OSBPL11: variants seen among roughly 807,000 people sequenced by gnomAD.
The protein encoded by OSBPL11 is oxysterol binding protein like 11.
In OSBPL11, 33 loss-of-function variants were observed where a neutral mutation model predicts 84.4. That is an observed-to-expected ratio of 0.39 (90% confidence interval 0.30 to 0.52). The LOEUF is 0.52. Among genes scored for constraint, OSBPL11 ranks in the 20% least tolerant of loss-of-function variants. OSBPL11 has a pLI of 0.72. For synonymous variants in OSBPL11, 276 were observed against 310.2 expected (o/e 0.89, Z 1.16); for missense variants, 736 against 901.1 (o/e 0.82, Z 2.35).
intron 5 of OSBPL11, among the ~76,000 whole-genome samples, chr3:125,573,072 A>T: frequency 6.6e-6 from 1 of 151,108 alleles, no homozygotes; most frequent in East Asian, 1.9e-4. Context: ...GTATATAATT[A>T]TAGCATAAAT....
In OSBPL11 at chr3:125,538,550, G is replaced by A. The variant is rs747848502; in HGVS notation, c.1925C>T (p.Thr642Ile). ...QGEWNSVLEF[T>I]YSNGETKYVD... ...ATACTTTGTCTCTCCATTGCTATAT[G>A]TGAACTCAAGAACACTATTCCATTC... The change falls in exon 11 of 13, where the codon ACA becomes ATA. Residue 642 changes from threonine to isoleucine, a missense_variant. Coordinates refer to ENST00000296220, the MANE Select transcript of OSBPL11 (RefSeq NM_022776.5). 6.2e-7 allele frequency: 1 copy of A among 1,614,014 alleles called. No individual in the cohort carries two copies. Among genetic ancestry groups the A allele is most frequent in the Non-Finnish European group, 8.5e-7 (1 of 1,180,008 alleles).
intron 5 of OSBPL11, among the ~76,000 whole-genome samples, chr3:125,572,574 A>G (rs1252777933): frequency 6.6e-6 from 1 of 152,054 alleles, no homozygotes; most frequent in African/African-American, 2.4e-5. Flanking sequence ...GTGATAGTGA[A>G]TAAGTCTCAC....
At chr3:125,580,280 A>G (rs1011232171) in intron 2 of OSBPL11, among the ~76,000 whole-genome samples, 4 of 152,080 alleles carry the variant, frequency 2.6e-5, no homozygotes, top group Admixed American at 2.0e-4. Flanking sequence ...TTTGGGAGGC[A>G]GAGGCGAGCG....
rs1935838515 is a variant in OSBPL11 at position 125,547,556 on chromosome 3, G to A, written c.1691C>T (p.Thr564Ile). 2.5e-6 allele frequency: 4 copies of A among 1,613,080 alleles called. No homozygotes were observed. Among genetic ancestry groups the A allele is most frequent in the Non-Finnish European group, 3.4e-6 (4 of 1,179,448 alleles). ...LSLLEHGEEY[T>I]FSLPCAYARS... ...AGCATATGCACAGGGTAGAGAAAAT[G>A]TGTACTCTTCTCCATGCTCCAACAG... The change falls in exon 10 of 13, where the codon ACA becomes ATA. Residue 564 changes from threonine to isoleucine, a missense_variant. By Grantham distance (89) the Thr-to-Ile change is moderately conservative. Coordinates refer to ENST00000296220, the MANE Select transcript of OSBPL11 (RefSeq NM_022776.5).
At chr3:125,593,157 C>T (rs1458489371) in intron 1 of OSBPL11, among the ~76,000 whole-genome samples, 2 of 152,174 alleles carry the variant, frequency 1.3e-5, no homozygotes, top group Non-Finnish European at 1.5e-5. Flanking sequence ...CGGCGGCGCC[C>T]CACCCACAGC....
intron 5 of OSBPL11, among the ~76,000 whole-genome samples, chr3:125,575,763 C>G (rs749910342): frequency 8.6e-5 from 13 of 150,958 alleles, no homozygotes; most frequent in Non-Finnish European, 1.8e-4. Context: ...TCTCAAACTC[C>G]TGGGCTCCAG....
chr3:125,555,202 C>G (rs1293567797), intron 8 of OSBPL11, among the ~76,000 whole-genome samples: 2 of 152,198 alleles, frequency 1.3e-5, no homozygotes, highest in African/African-American at 2.4e-5. Context: ...GAACATCGGA[C>G]TCCAAGTTCT....
Position 125,552,576 on chromosome 3 carries a change from G to C in OSBPL11, c.1259C>G (p.Thr420Arg), listed in dbSNP as rs1234400827. Residue 420 changes from threonine (T) to arginine (R), a missense_variant, in exon 9 of 13, where the codon ACA becomes AGA. By Grantham distance (71) the Thr-to-Arg change is moderately conservative (BLOSUM62 -1). Coordinates refer to ENST00000296220, the MANE Select transcript of OSBPL11 (RefSeq NM_022776.5). Reference protein sequence around the residue: ...DLFIAITNGATAEDRMIRFVE... With the variant: ...DLFIAITNGARAEDRMIRFVE... ...AAAGCGAATCATTCTGTCCTCAGCT[G>C]TGGCTCCATTAGTGATGGCTATAAA... 1.7e-5 allele frequency: 27 copies of C among 1,614,114 alleles called. No homozygotes were observed. The highest frequency in any genetic ancestry group is 2.3e-5 in the Non-Finnish European group (27 of 1,180,058).
chr3:125,535,132 A>G (rs916125858), intron 11 of OSBPL11, among the ~76,000 whole-genome samples: 6 of 151,942 alleles, frequency 3.9e-5, no homozygotes, highest in Non-Finnish European at 8.8e-5. Flanking sequence ...GAGAAAAAAG[A>G]TATTACAAAT....
chr3:125,542,110 TA>T (rs1383689871), intron 10 of OSBPL11, among the ~76,000 whole-genome samples: 8 of 152,276 alleles, frequency 5.3e-5, no homozygotes, highest in Middle Eastern at 3.4e-3. Context: ...CCCGAAGAAA[TA>T]AAATTCTGCT....
At chr3:125,566,248 C>A (rs958147671) in intron 6 of OSBPL11, among the ~76,000 whole-genome samples, 1 of 152,104 alleles carries the variant, frequency 6.6e-6, no homozygotes, top group Non-Finnish European at 1.5e-5. Context: ...TTAGGTGACC[C>A]GCCTGCCTCA....
intron 7 of OSBPL11, among the ~76,000 whole-genome samples, chr3:125,561,803 C>T (rs1465375989): frequency 2.0e-5 from 3 of 152,168 alleles, no homozygotes; most frequent in Non-Finnish European, 4.4e-5. Flanking sequence ...TCCAAAAATA[C>T]TGTGATCATT....
At chr3:125,565,752 G>A (rs1936144075) in intron 6 of OSBPL11, among the ~76,000 whole-genome samples, 1 of 152,110 alleles carries the variant, frequency 6.6e-6, no homozygotes, top group Non-Finnish European at 1.5e-5. Flanking sequence ...TACAAGTCAT[G>A]AATTCACGTT....
intron 8 of OSBPL11, among the ~76,000 whole-genome samples, chr3:125,554,709 T>TA (rs112082009): frequency 1.1e-4 from 16 of 152,104 alleles, no homozygotes; most frequent in African/African-American, 3.6e-4. Context: ...GAATGCTTTT[T>TA]AAAAAAATCA....
chr3:125,548,159 G>GT (rs1935848173), intron 9 of OSBPL11, among the ~76,000 whole-genome samples: 1 of 152,138 alleles, frequency 6.6e-6, no homozygotes, highest in South Asian at 2.1e-4. Context: ...GATTACAGGC[G>GT]TGAGCCACTG....
Position 125,594,648 on chromosome 3 carries a change from G to A in OSBPL11, c.153C>T (p.Gly51=). 1 of 1,613,526 alleles carries A rather than the reference G, an allele frequency of 6.2e-7. No homozygotes were observed. Residue 51 remains glycine, a synonymous_variant, in exon 1 of 13, where the codon GGC becomes GGT. Coordinates refer to ENST00000296220, the MANE Select transcript of OSBPL11 (RefSeq NM_022776.5). ...AGAAAGGAGCATACCTGTACTGCCA[G>A]CCTTTTGCACTGCCACCGCGGCTGC... ...SSSSRGGSAK[G]WQYSDHMENV...
chr3:125,546,811 AC>A (rs1935824709), intron 10 of OSBPL11, among the ~76,000 whole-genome samples: 1 of 151,300 alleles, frequency 6.6e-6, no homozygotes. Flanking sequence ...AATCGCTTGA[AC>A]CCAGGAGGCG....
At chr3:125,533,798 C>T (rs1033057293) in intron 11 of OSBPL11, among the ~76,000 whole-genome samples, 9 of 152,158 alleles carry the variant, frequency 5.9e-5, no homozygotes, top group Admixed American at 1.3e-4. Context: ...GTGAAATATT[C>T]AATTGTAATT....
intron 8 of OSBPL11, 97 bp from the exon 9 acceptor site, chr3:125,552,776 G>A: frequency 4.4e-6 from 6 of 1,360,314 alleles, no homozygotes; most frequent in Non-Finnish European, 6.0e-6. Context: ...TTCTAGATGG[G>A]TATTAAAAAC....
Sources: gnomAD v4.1 joint callset for allele counts (sites outside exome capture counted in the v4.1 genomes callset) on GRCh38, gnomAD v4.1.1 for gene constraint, MANE v1.5 for transcripts, NCBI Gene and HGNC (gene_info 2026-07-23, HGNC 2026-07-21) for gene names.